Variants in CTNNA3 observed in about 807,000 individuals in gnomAD.
The protein encoded by CTNNA3 is catenin alpha-3.
CTNNA3 carries 76 observed loss-of-function variants against 95.7 expected under a neutral mutation model. The ratio of observed to expected loss-of-function variants is 0.79; its 90% CI spans 0.66 to 0.96. The LOEUF (loss-of-function observed/expected upper bound fraction) is 0.96, where lower values mean the gene tolerates loss of function less well. CTNNA3 is among the 40% of genes least tolerant of loss of function. The pLI is 0.00. For synonymous variants in CTNNA3, 431 were observed against 374.4 expected (o/e 1.15, Z -1.74); for missense variants, 1,191 against 1,089.8 (o/e 1.09, Z -1.31).
intron 10 of CTNNA3, among the ~76,000 whole-genome samples, chr10:66,603,075 C>T (rs1271555247): frequency 6.6e-6 from 1 of 151,994 alleles, no homozygotes; most frequent in Non-Finnish European, 1.5e-5. Flanking sequence ...CAACATAGTA[C>T]TGGAAGTTCT....
intron 11 of CTNNA3, among the ~76,000 whole-genome samples, chr10:66,487,265 G>A (rs1390013754): frequency 2.3e-5 from 3 of 128,212 alleles, no homozygotes; most frequent in East Asian, 2.5e-4. Flanking sequence ...GCGGTGGCGC[G>A]ATCTCGGCTC....
intron 11 of CTNNA3, among the ~76,000 whole-genome samples, chr10:66,480,267 G>C (rs895384207): frequency 6.6e-6 from 1 of 152,082 alleles, no homozygotes; most frequent in African/African-American, 2.4e-5. Context: ...GAGGTGGCAA[G>C]ATAGAACAGT....
chr10:66,871,428 G>C (rs1844397278), intron 7 of CTNNA3, among the ~76,000 whole-genome samples: 1 of 151,944 alleles, frequency 6.6e-6, no homozygotes, highest in Non-Finnish European at 1.5e-5. Flanking sequence ...TGGGCATGGT[G>C]GTGGGTGCCT....
At chr10:66,639,828 A>T (rs1371130850) in intron 9 of CTNNA3, among the ~76,000 whole-genome samples, 1 of 152,166 alleles carries the variant, frequency 6.6e-6, no homozygotes, top group Non-Finnish European at 1.5e-5. Context: ...AACATGAATA[A>T]ATTTACCAAG....
intron 1 of CTNNA3, among the ~76,000 whole-genome samples, chr10:67,705,801 GA>G (rs2133607325): frequency 6.7e-6 from 1 of 149,966 alleles, no homozygotes; most frequent in Non-Finnish European, 1.5e-5. Flanking sequence ...AAAAAAGAAA[GA>G]AAGAAAAGGG....
chr10:66,258,139 A>T lies in CTNNA3; in HGVS notation c.1884+22331T>A, dbSNP rs193294410. On this transcript the variant is annotated intron_variant, in intron 13 of 17. Transcript: ENST00000433211. ...TACCCTGCAGCTTCTCCAAGACAGC[A>T]ATCTACTCCCTTATGTGGATGACCC... Among the ~76,000 whole-genome samples, 15 of 152,308 alleles carry T rather than the reference A, an allele frequency of 9.8e-5. No individual in the cohort carries two copies. The East Asian group carries it at 2.9e-3, about 29-fold the overall frequency.
chr10:66,260,251 A>G (rs1195260808), intron 13 of CTNNA3, among the ~76,000 whole-genome samples: 2 of 152,186 alleles, frequency 1.3e-5, no homozygotes, highest in East Asian at 3.8e-4. Flanking sequence ...TCTGTCTCTC[A>G]GGCTCATTCA....
chr10:66,618,858 T>C, intron 10 of CTNNA3, among the ~76,000 whole-genome samples: 1 of 151,800 alleles, frequency 6.6e-6, no homozygotes, highest in Non-Finnish European at 1.5e-5. Context: ...TCAAACACAT[T>C]TACAAGAAAA....
intron 3 of CTNNA3, among the ~76,000 whole-genome samples, chr10:67,588,611 T>C (rs1187424442): frequency 1.3e-5 from 2 of 152,034 alleles, no homozygotes; most frequent in African/African-American, 2.4e-5. Flanking sequence ...AAAGTATGCA[T>C]GGGTTTGATT....
At chr10:67,556,349 C>T (rs1416252397) in intron 3 of CTNNA3, among the ~76,000 whole-genome samples, 2 of 152,086 alleles carry the variant, frequency 1.3e-5, no homozygotes, top group East Asian at 3.8e-4. Context: ...CTTTTTGTAC[C>T]TCTGGTAGAA....
At chr10:66,945,655 A>G (rs1022272062) in intron 7 of CTNNA3, among the ~76,000 whole-genome samples, 1 of 152,200 alleles carries the variant, frequency 6.6e-6, no homozygotes, top group Non-Finnish European at 1.5e-5. Flanking sequence ...TTGGCAAAAG[A>G]GGCCTAGCTT....
chr10:66,259,229 G>GT (rs1485376445), intron 13 of CTNNA3, among the ~76,000 whole-genome samples: 3 of 152,088 alleles, frequency 2.0e-5, no homozygotes, highest in South Asian at 2.1e-4. Context: ...CCATGAACAA[G>GT]TTTTTCATGA....
At chr10:66,520,831 G>T (rs1426173066) in intron 10 of CTNNA3, 58 bp from the exon 11 acceptor site, 5 of 1,354,964 alleles carry the variant, frequency 3.7e-6, no homozygotes, top group Non-Finnish European at 5.2e-6. Context: ...CTATTTGGGT[G>T]ATGGGCACAC....
chr10:66,782,928 C>T (rs1246168939), intron 7 of CTNNA3, among the ~76,000 whole-genome samples: 1 of 152,050 alleles, frequency 6.6e-6, no homozygotes, highest in Admixed American at 6.6e-5. Context: ...CTAAAATAAG[C>T]TCTCTGGTTG....
intron 13 of CTNNA3, among the ~76,000 whole-genome samples, chr10:66,160,331 T>C (rs1393995256): frequency 6.6e-6 from 1 of 152,070 alleles, no homozygotes; most frequent in East Asian, 1.9e-4. Flanking sequence ...TGAACTTTCC[T>C]TTTAGCACCG....
At chr10:66,443,560 A>G (rs2093392026) in intron 11 of CTNNA3, among the ~76,000 whole-genome samples, 1 of 152,182 alleles carries the variant, frequency 6.6e-6, no homozygotes, top group African/African-American at 2.4e-5. Flanking sequence ...ACCCAGGCAA[A>G]AAGGGTCTGG....
intron 7 of CTNNA3, among the ~76,000 whole-genome samples, chr10:66,848,342 A>G (rs924462050): frequency 1.3e-5 from 2 of 152,172 alleles, no homozygotes; most frequent in African/African-American, 2.4e-5. Context: ...AACAGGAATG[A>G]TCTAGTCAGG....
chr10:65,962,373 A>C (rs2077862847), intron 17 of CTNNA3, among the ~76,000 whole-genome samples: 1 of 152,126 alleles, frequency 6.6e-6, no homozygotes, highest in Admixed American at 6.5e-5. Context: ...TTGTTGACTA[A>C]GTAAACTATT....
chr10:66,792,481 G>A (rs950929826), intron 7 of CTNNA3, among the ~76,000 whole-genome samples: 12 of 151,948 alleles, frequency 7.9e-5, no homozygotes, highest in African/African-American at 2.7e-4. Flanking sequence ...AAGCTCCCAG[G>A]TGGTACTCAC....
Sources: allele counts gnomAD v4.1 joint callset (sites outside exome capture counted in the v4.1 genomes callset), GRCh38; gene constraint gnomAD v4.1.1; transcripts MANE v1.5; gene names NCBI Gene and HGNC (gene_info 2026-07-23, HGNC 2026-07-21).